The following FSIP2 variants were observed in gnomAD, a reference collection of about 807,000 sequenced individuals.
FSIP2 encodes fibrous sheath-interacting protein 2.
Under a neutral mutation model 510.5 loss-of-function variants are expected in FSIP2, and 367 were observed. That is an observed-to-expected ratio of 0.72 (90% CI 0.66 to 0.78). FSIP2 has a LOEUF of 0.78. Ranked by LOEUF, FSIP2 falls within the 30% of genes least tolerant of loss-of-function variation. The pLI, the probability that FSIP2 is intolerant of heterozygous loss-of-function variation, is 0.00. For synonymous variants in FSIP2, 2,601 were observed against 2,732.2 expected, an observed-to-expected ratio of 0.95 and a Z score of 1.50; for missense variants, 7,594 against 7,901.7, an observed-to-expected ratio of 0.96 and a Z score of 1.48.
intron 7 of FSIP2, among the ~76,000 whole-genome samples, chr2:185,752,935 G>T (rs1251587128): frequency 6.6e-6 from 1 of 151,212 alleles, no homozygotes; most frequent in African/African-American, 2.4e-5. Flanking sequence ...TTTTGATGTA[G>T]ATAATTTATT....
intron 19 of FSIP2, among the ~76,000 whole-genome samples, chr2:185,817,268 T>C (rs1482371475): frequency 6.6e-6 from 1 of 152,022 alleles, no homozygotes; most frequent in Admixed American, 6.6e-5. Flanking sequence ...AGATAGGCAA[T>C]GGTGTTATAG....
chr2:185,778,952 A>C (rs1323432349), intron 13 of FSIP2, among the ~76,000 whole-genome samples: 2 of 152,030 alleles, frequency 1.3e-5, no homozygotes, highest in African/African-American at 4.8e-5. Context: ...GAATCATCAT[A>C]TCTTCCAGGT....
chr2:185,750,610 T>TC lies in FSIP2; in HGVS notation c.871-3112_871-3111insC, dbSNP rs796585884. ...GTTTTAATGCATTTCTCTGTTTTTT[T>TC]TTTTTCTATTTTGTTGATTTCTGTT... is the stretch of plus-strand genomic sequence containing the variant. On this transcript the variant is annotated intron_variant, in intron 7 of 22. Coordinates refer to ENST00000424728, the MANE Select transcript of FSIP2 (RefSeq NM_173651.4). 9.4e-4 allele frequency among the ~76,000 whole-genome samples: 142 copies of TC among 150,312 alleles called. 1 individual carries two copies. The highest frequency in any genetic ancestry group is 3.4e-3 in the Middle Eastern group (1 of 294).
intron 13 of FSIP2, among the ~76,000 whole-genome samples, chr2:185,767,318 T>TA (rs1454342408): frequency 2.2e-4 from 33 of 148,786 alleles, no homozygotes; most frequent in African/African-American, 6.2e-4. Flanking sequence ...TAAAGTATAA[T>TA]AAAAAATAAA....
At chr2:185,744,433 G>A (rs1001059359) in intron 4 of FSIP2, 22 bp downstream of exon 4, 7 of 651,900 alleles carry the variant, frequency 1.1e-5, no homozygotes, top group Non-Finnish European at 1.6e-5. Context: ...ACTTAAATTT[G>A]GTTTATTTAC....
In FSIP2 at chr2:185,798,011, C is replaced by A. The variant is rs549976183; in HGVS notation, c.10390+485C>A. 1.5e-4 allele frequency among the ~76,000 whole-genome samples: 23 copies of A among 151,820 alleles called. 1 individual carries two copies. The South Asian group carries it at 3.9e-3, about 26-fold the overall frequency. On this transcript the variant is annotated intron_variant, in intron 16 of 22. Coordinates refer to ENST00000424728, the MANE Select transcript of FSIP2 (RefSeq NM_173651.4). ...CAGCCTCAATTGCTTTTTAATTCAT[C>A]ACAATGCAAAAAAATAAAAATAAAT...
chr2:185,738,834 C>A lies in FSIP2; in HGVS notation c.-61C>A. ...TGGTCAGGTCCGGACAGAGGGACAA[C>A]GGGGTGCTAGAGAAGGAGAGCGGGG... is the stretch of plus-strand genomic sequence containing the variant. On this transcript the variant is annotated 5_prime_UTR_variant, in exon 1 of 23. Coordinates refer to ENST00000424728, the MANE Select transcript of FSIP2 (RefSeq NM_173651.4). The A allele has an allele frequency of 1.3e-6, 2 of 1,535,646 alleles. No homozygotes were observed. The highest frequency in any genetic ancestry group is 1.7e-6 in the Non-Finnish European group (2 of 1,146,694).
intron 15 of FSIP2, among the ~76,000 whole-genome samples, chr2:185,786,735 G>A (rs1692989745): frequency 6.6e-6 from 1 of 151,806 alleles, no homozygotes; most frequent in African/African-American, 2.4e-5. Flanking sequence ...CTTGGAACAG[G>A]CAAAGATAAG....
Position 185,815,880 on chromosome 2 carries a change from G to T in FSIP2, c.20426+409G>T, listed in dbSNP as rs763475160. Reference sequence around the variant, plus strand: ...AAGAAGAATCCAAAGGAATGAGAAAGAAATATAAGTTTTAGCATTCAGAGA... The same window carrying T: ...AAGAAGAATCCAAAGGAATGAGAAATAAATATAAGTTTTAGCATTCAGAGA... On this transcript the variant is annotated intron_variant, in intron 19 of 22. Transcript: ENST00000424728. 1.6e-4 allele frequency among the ~76,000 whole-genome samples: 25 copies of T among 152,004 alleles called. 1 individual carries two copies. In the East Asian group the frequency reaches 2.1e-3, roughly 13 times the overall value.
chr2:185,820,987 A>G (rs985396003), intron 19 of FSIP2, among the ~76,000 whole-genome samples: 4 of 147,838 alleles, frequency 2.7e-5, no homozygotes, highest in African/African-American at 9.9e-5. Flanking sequence ...GAGAAAATCA[A>G]GAAAACCAAG....
Position 185,789,363 on chromosome 2 carries a change from G to GA in FSIP2, c.2230dup (p.Ile744AsnfsTer14), listed in dbSNP as rs1693062935. ...TGTTGAACAATGTGAACGTGAAAAA[G>GA]AAATCTTGCTTTCCAATGCTCATAT... On this transcript the variant is annotated frameshift_variant, in exon 16 of 23. Transcript: ENST00000424728. LOFTEE classifies it high-confidence loss of function. 6.5e-7 allele frequency: 1 copy of GA among 1,534,990 alleles called. No homozygotes were observed. Among genetic ancestry groups the GA allele is most frequent in the East Asian group, 2.4e-5 (1 of 40,854 alleles).
chr2:185,824,485 G>C lies in FSIP2; in HGVS notation c.20473+5G>C. 1 of 1,549,040 alleles carries C rather than the reference G, an allele frequency of 6.5e-7. No individual in the cohort carries two copies. Among genetic ancestry groups the C allele is most frequent in the South Asian group, 1.2e-5 (1 of 83,734 alleles). ...CAAGTGCTAAAATATTAGAAGGTTGGACTCCTTTTTCTTAAATTAGAGAGT... is the reference window on the plus strand; with the variant it reads ...CAAGTGCTAAAATATTAGAAGGTTGCACTCCTTTTTCTTAAATTAGAGAGT... On this transcript the variant is annotated splice_donor_5th_base_variant and intron_variant, in intron 20 of 22. Transcript: ENST00000424728.
In FSIP2 at chr2:185,739,479, A is replaced by G; in HGVS notation, c.225+8A>G. ...ACGAATTTCGGTGAAAAGGTGAACA[A>G]GTTTTTATCGTCTTTCTTTCCTTTA... On this transcript the variant is annotated splice_region_variant and intron_variant, in intron 2 of 22. Transcript: ENST00000424728. 6.7e-7 allele frequency: 1 copy of G among 1,492,422 alleles called. No individual in the cohort carries two copies. The highest frequency in any genetic ancestry group is 8.9e-7 in the Non-Finnish European group (1 of 1,124,414). The allele number at this position is 1,492,422 out of a possible 1,614,324, so 92.4% of individuals were successfully genotyped here. A position where few individuals can be genotyped will look rare whatever the true frequency, so the allele number is the denominator to read the frequency against.
Position 185,788,796 on chromosome 2 carries a change from GA to G in FSIP2, c.1661del (p.Asp554ValfsTer34). 1 of 1,531,932 alleles carries G rather than the reference GA, an allele frequency of 6.5e-7. No individual in the cohort carries two copies. Among genetic ancestry groups the G allele is most frequent in the Non-Finnish European group, 8.7e-7 (1 of 1,143,998 alleles). The allele number at this position is 1,531,932 out of a possible 1,614,324, so 94.9% of individuals were successfully genotyped here. On this transcript the variant is annotated frameshift_variant, in exon 16 of 23. Transcript: ENST00000424728. LOFTEE classifies it high-confidence loss of function. ...ATCTGATGACTCCATCCTCTCTTCA[GA>G]TAGTTCAAGTTTCTGTAGCACGTGC... ...PVSDDSILSS[D>X]SSSFCSTCSE...
Position 185,790,353 on chromosome 2 carries a change from C to T in FSIP2, c.3217C>T (p.Pro1073Ser), listed in dbSNP as rs1168135341. 1.3e-6 allele frequency: 2 copies of T among 1,532,654 alleles called. No homozygotes were observed. The highest frequency in any genetic ancestry group is 2.4e-5 in the South Asian group (2 of 83,528). 94.9% of individuals were successfully genotyped at this position (1,532,654 alleles called of 1,614,324 possible). Residue 1073 changes from proline to serine, a missense_variant, in exon 16 of 23, where the codon CCA becomes TCA. By Grantham distance (74) the Pro-to-Ser change is moderately conservative. Coordinates refer to ENST00000424728, the MANE Select transcript of FSIP2 (RefSeq NM_173651.4). ...TGATTGGGAATTAAAGACTGAGCCA[C>T]CATCTACTAATCATGAAGATATTTT... The part of the protein sequence containing the change: ...FHDWELKTEP[P>S]STNHEDILKK...
chr2:185,763,778 G>T (rs12468005), intron 12 of FSIP2, among the ~76,000 whole-genome samples: 147,109 of 151,524 alleles, frequency 0.97, 71,488 homozygotes, highest in Middle Eastern at 1. Flanking sequence ...AACTAGAAAT[G>T]TACTAAATTA....
chr2:185,782,342 G>A (rs1321533480), intron 13 of FSIP2, among the ~76,000 whole-genome samples: 3 of 152,150 alleles, frequency 2.0e-5, no homozygotes, highest in Non-Finnish European at 4.4e-5. Flanking sequence ...TAAGCTGAAC[G>A]AGACCTAAAA....
Position 185,789,830 on chromosome 2 carries a change from G to A in FSIP2, c.2694G>A (p.Gln898=). 1.3e-6 allele frequency: 2 copies of A among 1,532,740 alleles called. No individual in the cohort carries two copies. Among genetic ancestry groups the A allele is most frequent in the Non-Finnish European group, 8.7e-7 (1 of 1,144,622 alleles). The allele number at this position is 1,532,740 out of a possible 1,614,324, so 94.9% of individuals were successfully genotyped here. A position where few individuals can be genotyped will look rare whatever the true frequency, so the allele number is the denominator to read the frequency against. Residue 898 remains glutamine, a synonymous_variant, in exon 16 of 23, where the codon CAG becomes CAA. Coordinates refer to ENST00000424728, the MANE Select transcript of FSIP2 (RefSeq NM_173651.4). ...VQNLISNIFS[Q]SSLVAYIEEA... ...ATTTAATATCAAATATTTTTTCCCA[G>A]TCTTCTTTGGTTGCTTATATAGAGG...
At chr2:185,784,063 G>GTT (rs1692911578) in intron 14 of FSIP2, 1 of 152,178 alleles carries the variant, frequency 6.6e-6, no homozygotes, top group African/African-American at 2.4e-5. Context: ...TTTTACAGGA[G>GTT]TTTGCTGTGG....
Sources: gnomAD v4.1 joint callset for allele counts (sites outside exome capture counted in the v4.1 genomes callset) on GRCh38, gnomAD v4.1.1 for gene constraint, MANE v1.5 for transcripts, NCBI Gene and HGNC (gene_info 2026-07-23, HGNC 2026-07-21) for gene names.